The following LIPC variants were observed in gnomAD, a reference collection of about 807,000 sequenced individuals.
The protein encoded by LIPC is hepatic triacylglycerol lipase.
Under a neutral mutation model 50.7 loss-of-function variants are expected in LIPC, and 44 were observed. The ratio of observed to expected loss-of-function variants is 0.87; its 90% CI spans 0.68 to 1.11. LIPC has a LOEUF of 1.11. Ranked by LOEUF, LIPC falls within the 50% of genes most tolerant of loss-of-function variation. LIPC has a pLI of 0.00. For missense variants in LIPC, 697 were observed against 648.2 expected, an observed-to-expected ratio of 1.08 and a Z score of -0.82; for synonymous variants, 271 against 256.4, an observed-to-expected ratio of 1.06 and a Z score of -0.54.
At chr15:58,525,634 T>C (rs2140882595) in intron 1 of LIPC, among the ~76,000 whole-genome samples, 1 of 152,256 alleles carries the variant, frequency 6.6e-6, no homozygotes, top group South Asian at 2.1e-4. Flanking sequence ...TTGAGGCCGG[T>C]GTTCTGGGGA....
chr15:58,529,073 AT>A (rs1892872724), intron 1 of LIPC, among the ~76,000 whole-genome samples: 1 of 152,146 alleles, frequency 6.6e-6, no homozygotes, highest in African/African-American at 2.4e-5. Flanking sequence ...TCACTTGGCA[AT>A]TGTGTAGTTT....
At chr15:58,484,474 A>G (rs1891296818) in intron 1 of LIPC, among the ~76,000 whole-genome samples, 1 of 152,252 alleles carries the variant, frequency 6.6e-6, no homozygotes, top group South Asian at 2.1e-4. Flanking sequence ...AAATGCTTCT[A>G]CAGCACCTAC....
chr15:58,548,358 C>A lies in LIPC; in HGVS notation c.837C>A (p.His279Gln). The A allele has an allele frequency of 1.2e-6, 2 of 1,614,134 alleles. No individual in the cohort carries two copies. Among genetic ancestry groups the A allele is most frequent in the South Asian group, 2.2e-5 (2 of 91,088 alleles). Residue 279 changes from histidine (H) to glutamine (Q), a missense_variant, in exon 6 of 9, where the codon CAC (histidine) becomes CAA (glutamine). Coordinates refer to ENST00000299022, the MANE Select transcript of LIPC (RefSeq NM_000236.3). ...NAITQTIKCS[H>Q]ERSVHLFIDS... The stretch of plus-strand genomic sequence containing the variant: ...TCACCCAGACCATAAAATGCTCCCA[C>A]GAGCGATCGGTGCACCTTTTCATCG...
chr15:58,456,388 G>C (rs999946472), intron 1 of LIPC: 1 of 152,264 alleles, frequency 6.6e-6, no homozygotes, highest in Non-Finnish European at 1.5e-5. Flanking sequence ...AATGCTTTCT[G>C]TACCTTCCTG....
At chr15:58,551,275 C>A (rs962563146) in intron 6 of LIPC, among the ~76,000 whole-genome samples, 1 of 152,164 alleles carries the variant, frequency 6.6e-6, no homozygotes, top group East Asian at 1.9e-4. Context: ...ATCAAGCCAC[C>A]CTGGGCATGG....
intron 1 of LIPC, among the ~76,000 whole-genome samples, chr15:58,464,001 C>G (rs1595870452): frequency 6.6e-6 from 1 of 151,938 alleles, no homozygotes; most frequent in South Asian, 2.1e-4. Flanking sequence ...AGTAATGGAT[C>G]AGTAAATAGA....
Position 58,543,844 on chromosome 15 carries a change from A to C in LIPC, c.574+1193A>C, listed in dbSNP as rs1595937172. 2.0e-5 allele frequency among the ~76,000 whole-genome samples: 3 copies of C among 151,890 alleles called. No homozygotes were observed. In the South Asian group the frequency reaches 6.3e-4, roughly 32 times the overall value. On this transcript the variant is annotated intron_variant, in intron 4 of 8. Coordinates refer to ENST00000299022, the MANE Select transcript of LIPC (RefSeq NM_000236.3). The stretch of plus-strand genomic sequence containing the variant: ...ACCATATTGGTCAGGCTGGTCTCGA[A>C]CTCCCAACCTCAGGTGATCCACCAT...
intron 1 of LIPC, among the ~76,000 whole-genome samples, chr15:58,528,384 G>A (rs774287662): frequency 6.6e-6 from 1 of 152,140 alleles, no homozygotes; most frequent in Non-Finnish European, 1.5e-5. Context: ...AATCCTATAA[G>A]GTAGGTACTA....
In LIPC at chr15:58,548,406, G is replaced by A. The variant is rs559559933; in HGVS notation, c.885G>A (p.Thr295=). 13 of 1,614,128 alleles carry A rather than the reference G, an allele frequency of 8.1e-6. 1 individual carries two copies. The African/African-American group carries it at 9.3e-5, about 12-fold the overall frequency. ...LFIDSLLHAG[T]QSMAYPCGDM... ...TCGACTCCTTGCTGCACGCCGGCACGCAGAGCATGGCCTACCCGTGTGGTG... is the reference window on the plus strand; with the variant it reads ...TCGACTCCTTGCTGCACGCCGGCACACAGAGCATGGCCTACCCGTGTGGTG... Residue 295 remains threonine (T), a synonymous_variant, in exon 6 of 9, where the codon ACG becomes ACA. Coordinates refer to ENST00000299022, the MANE Select transcript of LIPC (RefSeq NM_000236.3).
At chr15:58,530,210 C>G (rs1191277274) in intron 1 of LIPC, among the ~76,000 whole-genome samples, 1 of 152,232 alleles carries the variant, frequency 6.6e-6, no homozygotes. Context: ...TTGGCCTCCA[C>G]AGGGTAGTCC....
intron 1 of LIPC, among the ~76,000 whole-genome samples, chr15:58,513,042 G>C (rs1892380095): frequency 6.6e-6 from 1 of 152,108 alleles, no homozygotes; most frequent in South Asian, 2.1e-4. Context: ...CAAACTGGTG[G>C]ATGTTTCATC....
chr15:58,503,895 A>G (rs1278886911), intron 1 of LIPC, among the ~76,000 whole-genome samples: 1 of 152,090 alleles, frequency 6.6e-6, no homozygotes, highest in Non-Finnish European at 1.5e-5. Context: ...ATGTACATAC[A>G]CACCCACACA....
chr15:58,437,381 T>C (rs1893338728), intron 1 of LIPC, among the ~76,000 whole-genome samples: 1 of 151,824 alleles, frequency 6.6e-6, no homozygotes, highest in East Asian at 1.9e-4. Context: ...TATGCAATAA[T>C]GTAGGGAAAA....
rs571491317 is a variant in LIPC at position 58,436,569 on chromosome 15, T to A, written c.88+4449T>A. On this transcript the variant is annotated intron_variant, in intron 1 of 8. Coordinates refer to ENST00000299022, the MANE Select transcript of LIPC (RefSeq NM_000236.3). ...TGATGATTGCTGATTTTTACATAAATATGACTGAAAATACTTTTGTCTTAT... is the reference window on the plus strand; with the variant it reads ...TGATGATTGCTGATTTTTACATAAAAATGACTGAAAATACTTTTGTCTTAT... The A allele has an allele frequency of 1.0e-3, 304 of 298,894 alleles. 1 individual carries two copies. Among genetic ancestry groups the A allele is most frequent in the Non-Finnish European group, 1.6e-3 (240 of 149,100 alleles). 18.5% of individuals were successfully genotyped at this position (298,894 alleles called of 1,614,324 possible). A position where few individuals can be genotyped will look rare whatever the true frequency, so the allele number is the denominator to read the frequency against.
intron 2 of LIPC, among the ~76,000 whole-genome samples, chr15:58,540,020 T>G (rs1595933342): frequency 6.6e-6 from 1 of 152,340 alleles, no homozygotes; most frequent in South Asian, 2.1e-4. Flanking sequence ...TTGTCTGTGT[T>G]TCTCTGCTCT....
chr15:58,523,640 C>A (rs1391415100), intron 1 of LIPC, among the ~76,000 whole-genome samples: 2 of 152,104 alleles, frequency 1.3e-5, no homozygotes, highest in African/African-American at 4.8e-5. Flanking sequence ...TTTTTCAGGC[C>A]AGGCACAGAG....
At chr15:58,499,836 G>A (rs1324623711) in intron 1 of LIPC, among the ~76,000 whole-genome samples, 1 of 152,214 alleles carries the variant, frequency 6.6e-6, no homozygotes, top group African/African-American at 2.4e-5. Context: ...GTGTCCTGGG[G>A]AGGAGGTAAA....
chr15:58,470,594 C>T (rs1246247508), intron 1 of LIPC, among the ~76,000 whole-genome samples: 2 of 115,794 alleles, frequency 1.7e-5, no homozygotes, highest in Admixed American at 9.0e-5. Flanking sequence ...TTGCATTTAA[C>T]TCCTTTTTTT....
intron 1 of LIPC, among the ~76,000 whole-genome samples, chr15:58,537,597 A>G (rs777151242): frequency 2.6e-5 from 4 of 152,072 alleles, no homozygotes; most frequent in Non-Finnish European, 5.9e-5. Context: ...TATGTATGCA[A>G]GGTTGCATGC....
Sources: allele counts gnomAD v4.1 joint callset (sites outside exome capture counted in the v4.1 genomes callset), GRCh38; gene constraint gnomAD v4.1.1; transcripts MANE v1.5; gene names NCBI Gene and HGNC (gene_info 2026-07-23, HGNC 2026-07-21).